Variants in ELAVL4 observed in about 807,000 individuals in gnomAD.
ELAVL4 encodes ELAV-like protein 4.
Under a neutral mutation model 35.6 loss-of-function variants are expected in ELAVL4, and 1 was observed. The ratio of observed to expected loss-of-function variants is 0.03; its 90% confidence interval spans 0.01 to 0.13. ELAVL4 has a LOEUF of 0.13. ELAVL4 is among the 10% of genes least tolerant of loss of function. The probability of loss-of-function intolerance (pLI) is 1.00; values close to 1 mark genes in which losing one functional copy is unlikely to be tolerated. For synonymous variants in ELAVL4, 156 were observed against 171.0 expected (o/e 0.91, Z 0.69); for missense variants, 267 against 464.9 (o/e 0.57, Z 3.91).
At chr1:50,187,963 C>T (rs866013000) in intron 3 of ELAVL4, among the ~76,000 whole-genome samples, 6 of 152,028 alleles carry the variant, frequency 3.9e-5, no homozygotes, top group South Asian at 2.1e-4. Flanking sequence ...GGCATGGTGG[C>T]GCATGCCTGT....
chr1:50,174,330 A>C (rs1423142278), intron 2 of ELAVL4: 1 of 152,158 alleles, frequency 6.6e-6, no homozygotes, highest in Non-Finnish European at 1.5e-5. Context: ...AGACTATCTC[A>C]TATCTTTCAA....
At chr1:50,080,446 A>G (rs1664958320) in intron 1 of ELAVL4, among the ~76,000 whole-genome samples, 1 of 152,156 alleles carries the variant, frequency 6.6e-6, no homozygotes, top group Non-Finnish European at 1.5e-5. Flanking sequence ...ACACTCACAC[A>G]CATACTGATG....
intron 1 of ELAVL4, among the ~76,000 whole-genome samples, chr1:50,068,166 T>C (rs1664353788): frequency 6.6e-6 from 1 of 152,138 alleles, no homozygotes; most frequent in Non-Finnish European, 1.5e-5. Flanking sequence ...GGGGATAGGT[T>C]AGGGGAACTT....
In ELAVL4 at chr1:50,198,948, C is replaced by T. The variant is rs11205687; in HGVS notation, c.773+1481C>T. On this transcript the variant is annotated intron_variant, in intron 6 of 6. Coordinates refer to ENST00000371824, the MANE Select transcript of ELAVL4 (RefSeq NM_001144774.3). ...CCTGACCTTTGACTTATAATAAATACTTAGCTGTTTTCTACCTATAAACAG... is the reference window on the plus strand; with the variant it reads ...CCTGACCTTTGACTTATAATAAATATTTAGCTGTTTTCTACCTATAAACAG... Among the ~76,000 whole-genome samples, 451 of 152,320 alleles carry T rather than the reference C, an allele frequency of 3.0e-3. 5 individuals carry two copies. The highest frequency in any genetic ancestry group is 0.01 in the African/African-American group (428 of 41,576).
In ELAVL4 at chr1:50,053,756, A is replaced by T. The variant is rs565767063; in HGVS notation, c.18+5574A>T. ...CCCTGTCAGCAAAGGAACAAGAGAAAGTAGACATTAAAAATAACCATAATC... is the reference window on the plus strand; with the variant it reads ...CCCTGTCAGCAAAGGAACAAGAGAATGTAGACATTAAAAATAACCATAATC... On this transcript the variant is annotated intron_variant, in intron 1 of 6. Coordinates refer to the ELAVL4 transcript ENST00000448907. 1.1e-4 allele frequency among the ~76,000 whole-genome samples: 17 copies of T among 152,374 alleles called. 1 individual carries two copies. In the South Asian group the frequency reaches 3.1e-3, roughly 28 times the overall value.
chr1:50,151,704 A>G (rs981131944), intron 2 of ELAVL4, among the ~76,000 whole-genome samples: 6 of 152,198 alleles, frequency 3.9e-5, no homozygotes, highest in African/African-American at 1.4e-4. Flanking sequence ...GTACAATGTG[A>G]TGTATCTCCT....
At chr1:50,145,655 T>A (rs1673578401) in intron 2 of ELAVL4, among the ~76,000 whole-genome samples, 1 of 152,190 alleles carries the variant, frequency 6.6e-6, no homozygotes, top group Admixed American at 6.5e-5. Flanking sequence ...ACAACTGCCC[T>A]TGTCCCTGGG....
chr1:50,048,089 G>T, exon 1 of ELAVL4: 4 of 1,436,370 alleles, frequency 2.8e-6, no homozygotes, highest in Non-Finnish European at 2.7e-6. Flanking sequence ...GTGAGACTCT[G>T]CGGACGTCTT....
intron 1 of ELAVL4, chr1:50,144,699 A>C (rs1673380303): frequency 7.6e-6 from 5 of 661,082 alleles, no homozygotes; most frequent in African/African-American, 1.8e-5. Flanking sequence ...TTAGCTTTTC[A>C]TTAACAAAAT....
intron 1 of ELAVL4, among the ~76,000 whole-genome samples, chr1:50,080,077 G>A (rs912063553): frequency 1.3e-5 from 2 of 152,164 alleles, no homozygotes; most frequent in Admixed American, 1.3e-4. Context: ...ACAGCTGGAA[G>A]CACTTTCTTG....
At chr1:50,081,787 T>A (rs1471383362) in intron 1 of ELAVL4, among the ~76,000 whole-genome samples, 3 of 152,196 alleles carry the variant, frequency 2.0e-5, no homozygotes, top group Non-Finnish European at 1.5e-5. Flanking sequence ...CATCAACCCG[T>A]CATCTACATT....
intron 1 of ELAVL4, among the ~76,000 whole-genome samples, chr1:50,128,120 T>C (rs1215922749): frequency 6.6e-6 from 1 of 152,010 alleles, no homozygotes; most frequent in African/African-American, 2.4e-5. Flanking sequence ...AACGTGGAAA[T>C]AAAATATGAG....
At chr1:50,161,071 C>A (rs1410290407) in intron 2 of ELAVL4, among the ~76,000 whole-genome samples, 3 of 152,130 alleles carry the variant, frequency 2.0e-5, no homozygotes, top group Non-Finnish European at 4.4e-5. Flanking sequence ...TGTTGCTAAA[C>A]CCTCGTGGTT....
At chr1:50,106,410 G>A (rs932566002), upstream of ELAVL4, 8 of 1,598,288 alleles carry the variant, frequency 5.0e-6, no homozygotes, top group Middle Eastern at 1.7e-4. Context: ...GGAATACAGC[G>A]GCGCTGGCAG....
intron 1 of ELAVL4, among the ~76,000 whole-genome samples, chr1:50,121,354 A>G (rs1014808446): frequency 6.6e-6 from 1 of 152,076 alleles, no homozygotes; most frequent in Non-Finnish European, 1.5e-5. Context: ...AAGTTACTAG[A>G]TTCTAGTTTT....
chr1:50,142,194 A>G lies in ELAVL4; in HGVS notation c.10-2763A>G, dbSNP rs149749832. On this transcript the variant is annotated intron_variant, in intron 1 of 6. Transcript: ENST00000371824. The stretch of plus-strand genomic sequence containing the variant: ...ACACAGCTAATAAGTGGTAAAACTA[A>G]GTTTTTTGTTTTTTTGTTTTTTGAG... 5.6e-3 allele frequency among the ~76,000 whole-genome samples: 859 copies of G among 152,190 alleles called. 8 individuals carry two copies. The highest frequency in any genetic ancestry group is 0.016 in the African/African-American group (662 of 41,540).
upstream of ELAVL4, among the ~76,000 whole-genome samples, chr1:50,107,151 T>G (rs1384664287): frequency 6.6e-6 from 1 of 152,208 alleles, no homozygotes; most frequent in Admixed American, 6.5e-5. Flanking sequence ...TGCTGAACCA[T>G]TTAGAACACT....
intron 2 of ELAVL4, among the ~76,000 whole-genome samples, chr1:50,166,046 C>T (rs939587631): frequency 5.3e-5 from 8 of 151,952 alleles, no homozygotes; most frequent in Non-Finnish European, 8.8e-5. Context: ...CGTTTTTCTG[C>T]CTGCTTTATA....
intron 1 of ELAVL4, among the ~76,000 whole-genome samples, chr1:50,059,053 A>AT (rs1663827624): frequency 6.6e-6 from 1 of 151,968 alleles, no homozygotes; most frequent in African/African-American, 2.4e-5. Flanking sequence ...CCTGCATTAA[A>AT]TTTTTCAGTC....
Sources: gnomAD v4.1 joint callset for allele counts (sites outside exome capture counted in the v4.1 genomes callset) on GRCh38, gnomAD v4.1.1 for gene constraint, MANE v1.5 for transcripts, NCBI Gene and HGNC (gene_info 2026-07-23, HGNC 2026-07-21) for gene names.